TMPRSS11A: variants seen among roughly 807,000 people sequenced by gnomAD.
TMPRSS11A encodes the protein transmembrane serine protease 11A, also known as transmembrane protease serine 11A.
TMPRSS11A carries 53 observed loss-of-function variants against 58.9 expected under a neutral mutation model. The observed-to-expected ratio is 0.90, with a 90% CI of 0.72 to 1.13. The LOEUF is 1.13. Ranked by LOEUF, TMPRSS11A falls within the 50% of genes most tolerant of loss-of-function variation. TMPRSS11A has a pLI of 0.00. For missense variants in TMPRSS11A, 493 were observed against 499.3 expected (o/e 0.99, Z 0.12); for synonymous variants, 167 against 169.8 (o/e 0.98, Z 0.13).
chr4:67,930,497 A>G (rs1269511338), intron 4 of TMPRSS11A, among the ~76,000 whole-genome samples: 4 of 152,130 alleles, frequency 2.6e-5, no homozygotes, highest in Non-Finnish European at 5.9e-5. Context: ...AGAGTTCATC[A>G]TTTTGAGTTG....
In TMPRSS11A at chr4:67,931,992, C is replaced by T. The variant is rs142955442; in HGVS notation, c.320+1G>A. 172 of 1,587,094 alleles carry T rather than the reference C, an allele frequency of 1.1e-4. No homozygotes were observed. In the African/African-American group the frequency reaches 1.9e-3, roughly 18 times the overall value. ...TTCCACCTTTGCCCAAACATACATA[C>T]GTCAGTCTGACTACTTGGTTCTTGA... On this transcript the variant is annotated splice_donor_variant, in intron 4 of 9. Coordinates refer to ENST00000508048, the MANE Select transcript of TMPRSS11A (RefSeq NM_001114387.2). LOFTEE classifies it high-confidence loss of function.
chr4:67,934,756 C>T (rs778797138), intron 3 of TMPRSS11A, among the ~76,000 whole-genome samples: 5 of 152,132 alleles, frequency 3.3e-5, no homozygotes, highest in East Asian at 1.9e-4. Flanking sequence ...CAAACAGACT[C>T]GCCCAGCCAT....
chr4:67,924,095 T>C (rs770552818), intron 6 of TMPRSS11A, 33 bp downstream of exon 6: 3 of 1,588,826 alleles, frequency 1.9e-6, no homozygotes, highest in Middle Eastern at 1.7e-4. Flanking sequence ...GATGTGAAAA[T>C]TGAACTTGTT....
intron 9 of TMPRSS11A, among the ~76,000 whole-genome samples, chr4:67,911,760 G>A (rs1001432041): frequency 2.0e-5 from 3 of 152,004 alleles, no homozygotes; most frequent in South Asian, 4.1e-4. Flanking sequence ...AAAACATGAA[G>A]AGGCTTGAAA....
At chr4:67,954,139 A>C (rs1270015558) in intron 1 of TMPRSS11A, among the ~76,000 whole-genome samples, 1 of 152,212 alleles carries the variant, frequency 6.6e-6, no homozygotes, top group Non-Finnish European at 1.5e-5. Context: ...TCATTTCCTC[A>C]CCTATCTAGA....
chr4:67,914,788 A>G (rs1720103617), intron 8 of TMPRSS11A, 58 bp from the exon 9 acceptor site: 1 of 1,455,896 alleles, frequency 6.9e-7, no homozygotes, highest in Non-Finnish European at 9.5e-7. Context: ...GCTAGAGTGA[A>G]GTGAGCAGAC....
rs1182975479 is a variant in TMPRSS11A at position 67,909,744 on chromosome 4, A to G, written c.*1598T>C. On this transcript the variant is annotated 3_prime_UTR_variant, in exon 10 of 10. Coordinates refer to ENST00000508048, the MANE Select transcript of TMPRSS11A (RefSeq NM_001114387.2). Reference sequence around the variant, plus strand: ...TCTCACTTAAAATTTTACAGATCTGATGATTCAATAAAAATAGTTAAGAAT... The same window carrying G: ...TCTCACTTAAAATTTTACAGATCTGGTGATTCAATAAAAATAGTTAAGAAT... 6.6e-6 allele frequency: 1 copy of G among 152,118 alleles called. No individual in the cohort carries two copies. Among genetic ancestry groups the G allele is most frequent in the Non-Finnish European group, 1.5e-5 (1 of 67,968 alleles). The allele number at this position is 152,118 out of a possible 1,614,324, so 9.4% of individuals were successfully genotyped here. A position where few individuals can be genotyped will look rare whatever the true frequency, so the allele number is the denominator to read the frequency against.
At chr4:67,930,829 T>TAA (rs1553922588) in intron 4 of TMPRSS11A, among the ~76,000 whole-genome samples, 31 of 90,090 alleles carry the variant, frequency 3.4e-4, no homozygotes, top group East Asian at 2.0e-3. Flanking sequence ...TTTTTTTTTT[T>TAA]ACAAAAAAAA....
rs1054732089 is a variant in TMPRSS11A, at chr4:67,940,443, T to G, written c.252+4076A>C. Among the ~76,000 whole-genome samples, 3 of 152,210 alleles carry G rather than the reference T, an allele frequency of 2.0e-5. No homozygotes were observed. The East Asian group carries it at 5.8e-4, about 29-fold the overall frequency. On this transcript the variant is annotated intron_variant, in intron 3 of 9. Transcript: ENST00000508048. Reference sequence around the variant, plus strand: ...ACTCAATATTGGTCTGTTCAGGGTTTCAATTTCTTTCTGATTCAATCTTGG... The same window carrying G: ...ACTCAATATTGGTCTGTTCAGGGTTGCAATTTCTTTCTGATTCAATCTTGG...
chr4:67,913,854 T>C (rs1167460631), intron 9 of TMPRSS11A, among the ~76,000 whole-genome samples: 1 of 152,210 alleles, frequency 6.6e-6, no homozygotes, highest in Non-Finnish European at 1.5e-5. Flanking sequence ...CATTTCCACA[T>C]AGAGTGGCCT....
At position 67,911,214 on chromosome 4, in the gene TMPRSS11A, G is replaced by A. The variant is rs956901630; in HGVS notation, c.*128C>T. 2.6e-5 allele frequency: 20 copies of A among 775,540 alleles called. No homozygotes were observed. Among genetic ancestry groups the A allele is most frequent in the African/African-American group, 1.9e-4 (11 of 58,122 alleles). 48.0% of individuals were successfully genotyped at this position (775,540 alleles called of 1,614,324 possible). On this transcript the variant is annotated 3_prime_UTR_variant, in exon 10 of 10. Transcript: ENST00000508048. ...ATTAAAGTGATTCTAAATAACTTAC[G>A]TTGTGTGTTTCATGTTACTAGATCC...
chr4:67,930,260 C>T (rs1720579032), intron 4 of TMPRSS11A, among the ~76,000 whole-genome samples: 1 of 152,156 alleles, frequency 6.6e-6, no homozygotes, highest in Non-Finnish European at 1.5e-5. Context: ...AGGATTGTTA[C>T]AGCAGCTAGG....
chr4:67,934,207 G>C (rs947283227), intron 3 of TMPRSS11A, among the ~76,000 whole-genome samples: 3 of 152,150 alleles, frequency 2.0e-5, no homozygotes, highest in Non-Finnish European at 4.4e-5. Flanking sequence ...CAGGTAGTCT[G>C]AGGACAACGC....
Position 67,924,932 on chromosome 4 carries a change from C to G in TMPRSS11A, c.482-766G>C, listed in dbSNP as rs559600198. ...AAACTCAGCCTCAGCCAGAACAGATCTGCTTTGATCTCTTCTATTTACTTC... is the reference window on the plus strand; with the variant it reads ...AAACTCAGCCTCAGCCAGAACAGATGTGCTTTGATCTCTTCTATTTACTTC... On this transcript the variant is annotated intron_variant, in intron 5 of 9. Transcript: ENST00000508048. Among the ~76,000 whole-genome samples the G allele has an allele frequency of 2.2e-4, 33 of 150,714 alleles. No homozygotes were observed. In the South Asian group the frequency reaches 6.5e-3, roughly 30 times the overall value.
chr4:67,945,512 A>T (rs1003075590), intron 2 of TMPRSS11A, among the ~76,000 whole-genome samples: 3 of 152,232 alleles, frequency 2.0e-5, no homozygotes, highest in Non-Finnish European at 4.4e-5. Flanking sequence ...TACTGTTAAC[A>T]AACCTTACTC....
At chr4:67,932,529 AT>A (rs1720655191) in intron 3 of TMPRSS11A, among the ~76,000 whole-genome samples, 1 of 152,176 alleles carries the variant, frequency 6.6e-6, no homozygotes, top group South Asian at 2.1e-4. Context: ...TACTGAATCA[AT>A]TTGAGCCTCA....
At position 67,946,330 on chromosome 4, in the gene TMPRSS11A, C is replaced by T. The variant is rs879375491; in HGVS notation, c.133+120G>A. Reference sequence around the variant, plus strand: ...GAAATGACTGAAACAGTTAAATATACTCTGTGGAAATTTGAAGGTAAATGT... The same window carrying T: ...GAAATGACTGAAACAGTTAAATATATTCTGTGGAAATTTGAAGGTAAATGT... On this transcript the variant is annotated intron_variant, in intron 2 of 9. Coordinates refer to ENST00000508048, the MANE Select transcript of TMPRSS11A (RefSeq NM_001114387.2). 9.2e-6 allele frequency: 9 copies of T among 980,116 alleles called. No homozygotes were observed. In the African/African-American group the frequency reaches 1.2e-4, roughly 13 times the overall value. The allele number at this position is 980,116 out of a possible 1,614,324, so 60.7% of individuals were successfully genotyped here.
chr4:67,961,482 CCTTTTTTTTTTTTTTTTTTTTTTTTTTT>C lies in TMPRSS11A; in HGVS notation c.11+1873_11+1900del, dbSNP rs1721420811. Among the ~76,000 whole-genome samples the C allele has an allele frequency of 5.9e-5, 6 of 102,454 alleles. 1 individual carries two copies. Among genetic ancestry groups the C allele is most frequent in the Admixed American group, 5.0e-4 (5 of 10,030 alleles). 67.2% of individuals were successfully genotyped at this position (102,454 alleles called of 152,430 possible). ...CTTTTCTTTCCTTTCCTTTTCTTTT[CCTTTTTTTTTTTTTTTTTTTTTTTTTTT>C]TTTTTTTTTTTTTTTTTTTGAGACA... On this transcript the variant is annotated intron_variant, in intron 1 of 9. Coordinates refer to ENST00000508048, the MANE Select transcript of TMPRSS11A (RefSeq NM_001114387.2).
Position 67,922,885 on chromosome 4 carries a change from C to T in TMPRSS11A, c.562G>A (p.Ala188Thr). The change falls in exon 7 of 10, where the codon GCA (alanine) becomes ACA (threonine). Residue 188 changes from alanine (A) to threonine (T), a missense_variant. Coordinates refer to ENST00000508048, the MANE Select transcript of TMPRSS11A (RefSeq NM_001114387.2). ...GCCTTGGGTGCAATGACTCCAGATG[C>T]TATTCTGTTGACGTTTAATGGAACA... ...RVVPLNVNRI[A>T]SGVIAPKAAW... 1.2e-6 allele frequency: 2 copies of T among 1,614,138 alleles called. No homozygotes were observed. Among genetic ancestry groups the T allele is most frequent in the Non-Finnish European group, 1.7e-6 (2 of 1,180,022 alleles).
Sources: allele counts gnomAD v4.1 joint callset (sites outside exome capture counted in the v4.1 genomes callset), GRCh38; gene constraint gnomAD v4.1.1; transcripts MANE v1.5; gene names NCBI Gene and HGNC (gene_info 2026-07-23, HGNC 2026-07-21).